Variants in TMEM132D observed in about 807,000 individuals in gnomAD.
TMEM132D encodes the protein mature OL transmembrane protein.
A neutral mutation model predicts 62.3 loss-of-function variants in TMEM132D; 21 were observed. The ratio of observed to expected loss-of-function variants is 0.34; its 90% CI spans 0.24 to 0.49. TMEM132D has a LOEUF of 0.49. Among genes scored for constraint, TMEM132D ranks in the 20% least tolerant of loss-of-function variants. TMEM132D has a pLI of 0.99. For missense variants in TMEM132D, 1,346 were observed against 1,402.8 expected (o/e 0.96, Z 0.65); for synonymous variants, 621 against 575.6 (o/e 1.08, Z -1.13).
At chr12:129,158,217 T>A (rs906613792) in intron 5 of TMEM132D, among the ~76,000 whole-genome samples, 1 of 152,102 alleles carries the variant, frequency 6.6e-6, no homozygotes, top group Admixed American at 6.6e-5. Context: ...CTAAGATGCA[T>A]AAGGAAACTG....
chr12:129,490,853 C>A (rs1462388814), intron 3 of TMEM132D, among the ~76,000 whole-genome samples: 1 of 151,858 alleles, frequency 6.6e-6, no homozygotes, highest in African/African-American at 2.4e-5. Flanking sequence ...TTAGTCTGTG[C>A]CCCCGTTTGC....
At chr12:129,105,871 G>C (rs2135640100) in intron 5 of TMEM132D, among the ~76,000 whole-genome samples, 1 of 150,954 alleles carries the variant, frequency 6.6e-6, no homozygotes, top group East Asian at 1.9e-4. Context: ...ATTCCTCAGG[G>C]ATCTAGAACT....
intron 1 of TMEM132D, among the ~76,000 whole-genome samples, chr12:129,798,981 G>A (rs1336077759): frequency 1.3e-5 from 2 of 152,186 alleles, no homozygotes; most frequent in African/African-American, 4.8e-5. Context: ...AAATATGGAT[G>A]TCGGCCGGAC....
intron 1 of TMEM132D, among the ~76,000 whole-genome samples, chr12:129,721,326 C>G (rs923717463): frequency 2.6e-5 from 4 of 152,092 alleles, no homozygotes; most frequent in African/African-American, 7.2e-5. Context: ...CAAGAGGGTC[C>G]TATCTGGATG....
intron 4 of TMEM132D, among the ~76,000 whole-genome samples, chr12:129,293,373 A>G (rs1410536935): frequency 6.6e-6 from 1 of 152,104 alleles, no homozygotes; most frequent in African/African-American, 2.4e-5. Context: ...CCATCCCCAC[A>G]TGCTTTGGAA....
chr12:129,469,926 A>G (rs1392787166), intron 3 of TMEM132D, among the ~76,000 whole-genome samples: 1 of 152,212 alleles, frequency 6.6e-6, no homozygotes, highest in Non-Finnish European at 1.5e-5. Context: ...CAAAGTCTGC[A>G]CTGGGGGGTC....
intron 4 of TMEM132D, among the ~76,000 whole-genome samples, chr12:129,244,143 T>C (rs1413322025): frequency 6.6e-6 from 1 of 152,044 alleles, no homozygotes; most frequent in Non-Finnish European, 1.5e-5. Flanking sequence ...CCCAGCACTT[T>C]GGGAGGCCGA....
intron 1 of TMEM132D, among the ~76,000 whole-genome samples, chr12:129,868,795 C>G (rs1247424355): frequency 6.6e-6 from 1 of 152,156 alleles, no homozygotes; most frequent in African/African-American, 2.4e-5. Flanking sequence ...CTCTTCCCAC[C>G]CTGCCCCCAG....
Position 129,454,961 on chromosome 12 carries a change from C to T in TMEM132D, c.1115+76098G>A, listed in dbSNP as rs950450848. Reference sequence around the variant, plus strand: ...AAACCCAACTAATTAACAGTCAACCCGAAGAAAGCTTAAAAAGGGTCCAAA... The same window carrying T: ...AAACCCAACTAATTAACAGTCAACCTGAAGAAAGCTTAAAAAGGGTCCAAA... On this transcript the variant is annotated intron_variant, in intron 3 of 8. Coordinates refer to ENST00000422113, the MANE Select transcript of TMEM132D (RefSeq NM_133448.3). Among the ~76,000 whole-genome samples the T allele has an allele frequency of 3.9e-5, 6 of 152,108 alleles. 1 individual carries two copies. Among genetic ancestry groups the T allele is most frequent in the Admixed American group, 2.0e-4 (3 of 15,274 alleles).
intron 1 of TMEM132D, among the ~76,000 whole-genome samples, chr12:129,763,799 G>T (rs1870461498): frequency 6.6e-6 from 1 of 152,082 alleles, no homozygotes; most frequent in African/African-American, 2.4e-5. Flanking sequence ...AAGCAAGTGT[G>T]CCCAATTCAT....
At chr12:129,379,696 C>T (rs1401067864) in intron 3 of TMEM132D, among the ~76,000 whole-genome samples, 3 of 152,172 alleles carry the variant, frequency 2.0e-5, no homozygotes, top group Non-Finnish European at 4.4e-5. Flanking sequence ...GGGAGGAGCA[C>T]AAGTCCTGGT....
Position 129,859,159 on chromosome 12 carries a change from C to T in TMEM132D, c.79+44102G>A, listed in dbSNP as rs966428154. ...GGACACGGTGAGAAGGTGCCATCTC[C>T]GAACCAGAAACCAGGTTCCCAGCAG... On this transcript the variant is annotated intron_variant, in intron 1 of 8. Transcript: ENST00000422113. Among the ~76,000 whole-genome samples, 18 of 152,296 alleles carry T rather than the reference C, an allele frequency of 1.2e-4. 1 individual carries two copies. Among genetic ancestry groups the T allele is most frequent in the Admixed American group, 9.8e-4 (15 of 15,308 alleles).
At chr12:129,765,932 G>C (rs750873837) in intron 1 of TMEM132D, among the ~76,000 whole-genome samples, 11 of 152,196 alleles carry the variant, frequency 7.2e-5, no homozygotes, top group Non-Finnish European at 1.5e-4. Context: ...GCTCACCAGT[G>C]TCTGCTTTCT....
chr12:129,500,594 G>A (rs138931168), intron 3 of TMEM132D, among the ~76,000 whole-genome samples: 102 of 152,264 alleles, frequency 6.7e-4, no homozygotes, highest in African/African-American at 2.0e-3. Flanking sequence ...TGATATTTAC[G>A]TCCCTCGTTC....
At chr12:129,531,759 A>G (rs1876232856) in intron 2 of TMEM132D, among the ~76,000 whole-genome samples, 1 of 152,186 alleles carries the variant, frequency 6.6e-6, no homozygotes, top group Non-Finnish European at 1.5e-5. Flanking sequence ...TCAGCCTCCC[A>G]AAGTGGGAGC....
intron 1 of TMEM132D, among the ~76,000 whole-genome samples, chr12:129,844,217 A>G (rs1474093426): frequency 6.6e-6 from 1 of 152,214 alleles, no homozygotes; most frequent in Non-Finnish European, 1.5e-5. Context: ...CTTATGAATG[A>G]CACTTATTTT....
At chr12:129,628,922 CTCTCTT>C (rs1204011710) in intron 2 of TMEM132D, among the ~76,000 whole-genome samples, 1 of 150,470 alleles carries the variant, frequency 6.6e-6, no homozygotes, top group African/African-American at 2.4e-5. Context: ...TCATTTCTAT[CTCTCTT>C]TCTCTCTCTC....
rs1176437104 is a variant in TMEM132D, at chr12:129,744,491, G to A, written c.80-43793C>T. Among the ~76,000 whole-genome samples the A allele has an allele frequency of 2.6e-5, 4 of 152,260 alleles. No homozygotes were observed. In the East Asian group the frequency reaches 7.7e-4, roughly 29 times the overall value. ...ATATGCCTGTAGGTAATTATAAAAA[G>A]TAGTGCTGCATACAGATAGTATATA... On this transcript the variant is annotated intron_variant, in intron 1 of 8. Transcript: ENST00000422113.
intron 4 of TMEM132D, among the ~76,000 whole-genome samples, chr12:129,306,614 T>C (rs1881851664): frequency 6.6e-6 from 1 of 152,216 alleles, no homozygotes; most frequent in Non-Finnish European, 1.5e-5. Flanking sequence ...CACAATATTT[T>C]AATTCCTCCT....
Sources: allele counts gnomAD v4.1 joint callset (sites outside exome capture counted in the v4.1 genomes callset), GRCh38; gene constraint gnomAD v4.1.1; transcripts MANE v1.5; gene names NCBI Gene and HGNC (gene_info 2026-07-23, HGNC 2026-07-21).